PPP4R2: variants seen among roughly 807,000 people sequenced by gnomAD.
PPP4R2 encodes the protein protein phosphatase 4 regulatory subunit 2.
PPP4R2 carries 13 observed loss-of-function variants against 47.2 expected under a neutral mutation model. The observed-to-expected ratio is 0.28, with a 90% CI of 0.18 to 0.44. PPP4R2 has a LOEUF of 0.44. PPP4R2 is among the 20% of genes least tolerant of loss of function. The pLI, the probability that PPP4R2 is intolerant of heterozygous loss-of-function variation, is 1.00. For synonymous variants in PPP4R2, 151 were observed against 163.3 expected (o/e 0.92, Z 0.57); for missense variants, 421 against 491.2 (o/e 0.86, Z 1.35).
At chr3:73,050,039 C>A (rs1204326903) in intron 3 of PPP4R2, among the ~76,000 whole-genome samples, 2 of 152,172 alleles carry the variant, frequency 1.3e-5, no homozygotes, top group East Asian at 3.9e-4. Context: ...CTCCCAAGTT[C>A]AAGCTATTCT....
At chr3:73,043,844 T>TA (rs930503555) in intron 2 of PPP4R2, among the ~76,000 whole-genome samples, 20 of 152,354 alleles carry the variant, frequency 1.3e-4, no homozygotes, top group African/African-American at 4.8e-4. Context: ...TTACCATCAC[T>TA]ATCATCCATC....
intron 2 of PPP4R2, among the ~76,000 whole-genome samples, chr3:73,009,893 C>T (rs1299499219): frequency 2.0e-5 from 3 of 152,224 alleles, no homozygotes; most frequent in East Asian, 3.8e-4. Context: ...CTTGTCTTCT[C>T]TCTGGTTTCA....
Position 73,015,515 on chromosome 3 carries a change from G to A in PPP4R2, c.116+17357G>A, listed in dbSNP as rs1170747446. On this transcript the variant is annotated intron_variant, in intron 2 of 8. Coordinates refer to ENST00000356692, the MANE Select transcript of PPP4R2 (RefSeq NM_174907.4). ...TTTTTTTTTAGGGTCTCGCTCTGTC[G>A]CCCAGGCTGGAGTGCAGTGGCATGA... Among the ~76,000 whole-genome samples, 11 of 141,748 alleles carry A rather than the reference G, an allele frequency of 7.8e-5. No homozygotes were observed. In the East Asian group the frequency reaches 8.4e-4, roughly 11 times the overall value. 93.0% of individuals were successfully genotyped at this position (141,748 alleles called of 152,430 possible).
intron 2 of PPP4R2, among the ~76,000 whole-genome samples, chr3:73,016,512 A>T (rs2107238914): frequency 6.6e-6 from 1 of 152,260 alleles, no homozygotes; most frequent in South Asian, 2.1e-4. Context: ...ATACCTGAAG[A>T]TTTTAAAAGT....
chr3:73,042,361 C>CTTTTT (rs10709279), intron 2 of PPP4R2, among the ~76,000 whole-genome samples: 21 of 75,888 alleles, frequency 2.8e-4, no homozygotes, highest in African/African-American at 4.3e-4. Flanking sequence ...AATATAATTT[C>CTTTTT]TTTTTTTTTT....
chr3:73,002,414 G>A (rs187720749), intron 2 of PPP4R2, among the ~76,000 whole-genome samples: 5 of 152,100 alleles, frequency 3.3e-5, no homozygotes, highest in Admixed American at 2.0e-4. Flanking sequence ...ATGCCACGAT[G>A]CCTGGCTAAT....
intron 4 of PPP4R2, among the ~76,000 whole-genome samples, chr3:73,060,158 C>A (rs1206758501): frequency 3.3e-5 from 5 of 152,110 alleles, no homozygotes; most frequent in Non-Finnish European, 7.4e-5. Flanking sequence ...ACCCTGGGAA[C>A]AGGAATCAAA....
chr3:73,034,406 T>G (rs1251995730), intron 2 of PPP4R2, among the ~76,000 whole-genome samples: 1 of 152,228 alleles, frequency 6.6e-6, no homozygotes, highest in Non-Finnish European at 1.5e-5. Flanking sequence ...GCTATGGAGA[T>G]TCCTACCAGT....
intron 3 of PPP4R2, 134 bp downstream of exon 3, chr3:73,047,490 A>G: frequency 1.8e-6 from 1 of 552,000 alleles, no homozygotes; most frequent in Non-Finnish European, 3.0e-6. Flanking sequence ...GACATGTAGT[A>G]GTTGATGATT....
At chr3:73,053,729 GAA>G (rs1396625982) in intron 3 of PPP4R2, among the ~76,000 whole-genome samples, 1 of 151,878 alleles carries the variant, frequency 6.6e-6, no homozygotes, top group Non-Finnish European at 1.5e-5. Context: ...CTAACACTGT[GAA>G]ACCCCGTCTC....
intron 4 of PPP4R2, 80 bp downstream of exon 4, chr3:73,059,210 GTT>G: frequency 3.0e-6 from 2 of 677,826 alleles, no homozygotes; most frequent in Non-Finnish European, 4.8e-6. Context: ...AGTAAGATCT[GTT>G]TCGGGTACCA....
At chr3:73,020,728 G>A (rs1701943791) in intron 2 of PPP4R2, among the ~76,000 whole-genome samples, 1 of 150,988 alleles carries the variant, frequency 6.6e-6, no homozygotes, top group South Asian at 2.1e-4. Flanking sequence ...GGGTGTTGCT[G>A]TGTTGCCCAG....
intron 2 of PPP4R2, among the ~76,000 whole-genome samples, chr3:73,018,466 G>GTTATGTTATTTATGTTATGTTTATGT (rs1553646475): frequency 2.9e-5 from 2 of 68,746 alleles, no homozygotes; most frequent in African/African-American, 6.5e-5. Flanking sequence ...TGTTATGTTA[G>GTTATGTTATTTATGTTATGTTTATGT]TATCCGAAAC....
At chr3:73,001,671 C>T (rs1229710656) in intron 2 of PPP4R2, among the ~76,000 whole-genome samples, 1 of 152,044 alleles carries the variant, frequency 6.6e-6, no homozygotes, top group African/African-American at 2.4e-5. Flanking sequence ...GATGGAGTCT[C>T]GCCCTATGCC....
intron 6 of PPP4R2, 60 bp downstream of exon 6, chr3:73,063,807 G>A (rs2107346633): frequency 1.6e-6 from 2 of 1,261,660 alleles, no homozygotes; most frequent in Non-Finnish European, 2.3e-6. Flanking sequence ...TGAGTAGCAG[G>A]CTTAGTGTAC....
chr3:73,024,244 A>G (rs1008469223), intron 2 of PPP4R2, among the ~76,000 whole-genome samples: 1 of 152,160 alleles, frequency 6.6e-6, no homozygotes. Context: ...GAAAAAGGTA[A>G]AATTCACCAA....
chr3:73,061,366 G>A (rs75777231), intron 5 of PPP4R2: 7,916 of 177,294 alleles, frequency 0.045, 208 homozygotes, highest in East Asian at 0.072. Context: ...CCTTTCCAGG[G>A]TGTCTCTAGG....
At chr3:73,060,424 A>G (rs957531109) in intron 4 of PPP4R2, among the ~76,000 whole-genome samples, 8 of 152,144 alleles carry the variant, frequency 5.3e-5, no homozygotes, top group African/African-American at 1.9e-4. Context: ...TAGTTGTGTG[A>G]CCTTGGGCCA....
At chr3:73,025,044 T>G (rs918730389) in intron 2 of PPP4R2, among the ~76,000 whole-genome samples, 1 of 152,092 alleles carries the variant, frequency 6.6e-6, no homozygotes. Flanking sequence ...TTCACATTTT[T>G]GGAGGAAAAT....
Sources: allele counts gnomAD v4.1 joint callset (sites outside exome capture counted in the v4.1 genomes callset), GRCh38; gene constraint gnomAD v4.1.1; transcripts MANE v1.5; gene names NCBI Gene and HGNC (gene_info 2026-07-23, HGNC 2026-07-21).